Variants in INPP4B observed in about 807,000 individuals in gnomAD.
INPP4B encodes inositol polyphosphate 4-phosphatase type II.
INPP4B carries 55 observed loss-of-function variants against 122.5 expected under a neutral mutation model. The ratio of observed to expected loss-of-function variants is 0.45; its 90% confidence interval spans 0.36 to 0.56. INPP4B has a LOEUF of 0.56. INPP4B is among the 20% of genes least tolerant of loss of function. The pLI, the probability that INPP4B is intolerant of heterozygous loss-of-function variation, is 0.00. For missense variants in INPP4B, 1,000 were observed against 1,097.7 expected, an observed-to-expected ratio of 0.91 and a Z score of 1.26; for synonymous variants, 403 against 388.7, an observed-to-expected ratio of 1.04 and a Z score of -0.43.
At chr4:142,277,464 T>C (rs1204679527) in intron 9 of INPP4B, among the ~76,000 whole-genome samples, 9 of 151,874 alleles carry the variant, frequency 5.9e-5, no homozygotes, top group Non-Finnish European at 1.2e-4. Flanking sequence ...GTATAACCAC[T>C]ATGGAAAACA....
chr4:142,173,834 G>T, intron 15 of INPP4B, 25 bp from the exon 16 acceptor site: 1 of 1,588,924 alleles, frequency 6.3e-7, no homozygotes, highest in East Asian at 2.2e-5. Flanking sequence ...ATAAAAATAA[G>T]TTACACAAAC....
chr4:142,830,523 G>T (rs943741987), intron 1 of INPP4B, among the ~76,000 whole-genome samples: 6 of 152,072 alleles, frequency 3.9e-5, no homozygotes, highest in African/African-American at 1.4e-4. Flanking sequence ...TGGAGAGGGA[G>T]TCTTAATCTT....
chr4:142,673,852 A>G (rs578002265), intron 2 of INPP4B, among the ~76,000 whole-genome samples: 9 of 152,138 alleles, frequency 5.9e-5, no homozygotes, highest in African/African-American at 9.7e-5. Flanking sequence ...AGATGCGGTC[A>G]ATTACTATGT....
chr4:142,125,376 A>G (rs1241355788), intron 18 of INPP4B, among the ~76,000 whole-genome samples: 1 of 152,018 alleles, frequency 6.6e-6, no homozygotes, highest in Non-Finnish European at 1.5e-5. Flanking sequence ...AAAAACACTA[A>G]AGCATTCATA....
intron 7 of INPP4B, among the ~76,000 whole-genome samples, chr4:142,328,490 A>G (rs532024104): frequency 2.6e-5 from 4 of 152,326 alleles, no homozygotes; most frequent in African/African-American, 9.6e-5. Context: ...ACCAGTGTAC[A>G]GTGGAGTTTT....
chr4:142,408,877 C>A (rs1804002514), intron 5 of INPP4B, among the ~76,000 whole-genome samples: 1 of 152,000 alleles, frequency 6.6e-6, no homozygotes, highest in East Asian at 1.9e-4. Flanking sequence ...TTTAAATATG[C>A]AGGATGTTGA....
intron 10 of INPP4B, among the ~76,000 whole-genome samples, chr4:142,262,387 T>C (rs1561670028): frequency 6.6e-6 from 1 of 152,280 alleles, no homozygotes. Context: ...GCCTTTGCTC[T>C]TGCTATTGAT....
chr4:142,072,581 A>T (rs1441679708), intron 25 of INPP4B, among the ~76,000 whole-genome samples: 2 of 150,660 alleles, frequency 1.3e-5, no homozygotes, highest in African/African-American at 2.4e-5. Context: ...TAGTTTGAGG[A>T]CATAACAACC....
intron 7 of INPP4B, among the ~76,000 whole-genome samples, chr4:142,352,404 C>T (rs1229487704): frequency 6.6e-6 from 1 of 151,844 alleles, no homozygotes; most frequent in Non-Finnish European, 1.5e-5. Context: ...AACACACACA[C>T]ATAGATTAAA....
At chr4:142,155,922 T>C (rs779465409) in intron 17 of INPP4B, among the ~76,000 whole-genome samples, 25 of 149,960 alleles carry the variant, frequency 1.7e-4, no homozygotes, top group Non-Finnish European at 2.7e-4. Context: ...CTAAAGTCTA[T>C]AAAATTATTG....
At chr4:142,621,422 T>G (rs532868920) in intron 2 of INPP4B, among the ~76,000 whole-genome samples, 1 of 152,054 alleles carries the variant, frequency 6.6e-6, no homozygotes, top group African/African-American at 2.4e-5. Flanking sequence ...CCCCGTGCAC[T>G]TGAAATTGCT....
At chr4:142,547,765 A>G (rs549766686) in intron 2 of INPP4B, among the ~76,000 whole-genome samples, 10 of 152,220 alleles carry the variant, frequency 6.6e-5, no homozygotes, top group African/African-American at 2.2e-4. Flanking sequence ...ATGACTCCTC[A>G]CTTTTTATTG....
chr4:142,050,557 T>C (rs1753975026), intron 25 of INPP4B, among the ~76,000 whole-genome samples: 2 of 152,090 alleles, frequency 1.3e-5, no homozygotes, highest in South Asian at 2.1e-4. Flanking sequence ...AACTCCATTA[T>C]ATACAGGCTT....
intron 1 of INPP4B, among the ~76,000 whole-genome samples, chr4:142,765,559 C>T (rs565125202): frequency 6.6e-6 from 1 of 152,192 alleles, no homozygotes; most frequent in East Asian, 1.9e-4. Context: ...CCACTCTCCT[C>T]CAAACAATCA....
At position 142,715,808 on chromosome 4, in the gene INPP4B, T is replaced by C. The variant is rs565441514; in HGVS notation, c.-191+10031A>G. Among the ~76,000 whole-genome samples the C allele has an allele frequency of 3.9e-5, 6 of 152,312 alleles. No homozygotes were observed. The East Asian group carries it at 9.6e-4, about 24-fold the overall frequency. Reference sequence around the variant, plus strand: ...ATTTTAGGCTGGGACCATGGGGAGATAGCTTTTCTCTGTTTCACTCATTAT... The same window carrying C: ...ATTTTAGGCTGGGACCATGGGGAGACAGCTTTTCTCTGTTTCACTCATTAT... On this transcript the variant is annotated intron_variant, in intron 2 of 25. Coordinates refer to ENST00000262992, the MANE Select transcript of INPP4B (RefSeq NM_001101669.3).
intron 9 of INPP4B, among the ~76,000 whole-genome samples, chr4:142,281,227 A>C (rs1751051530): frequency 6.6e-6 from 1 of 151,682 alleles, no homozygotes; most frequent in Non-Finnish European, 1.5e-5. Context: ...ATGTTATAGG[A>C]GGTTATAGAT....
At chr4:142,321,539 T>G (rs1255235620) in intron 7 of INPP4B, among the ~76,000 whole-genome samples, 1 of 152,222 alleles carries the variant, frequency 6.6e-6, no homozygotes, top group African/African-American at 2.4e-5. Flanking sequence ...TAATGTTATC[T>G]TCTAGAATTT....
chr4:142,653,509 A>T (rs909422761), intron 2 of INPP4B, among the ~76,000 whole-genome samples: 2 of 152,122 alleles, frequency 1.3e-5, no homozygotes, highest in Non-Finnish European at 1.5e-5. Flanking sequence ...TCTACAAAGA[A>T]CTCCAACAAA....
intron 3 of INPP4B, among the ~76,000 whole-genome samples, 162 bp from the exon 4 acceptor site, chr4:142,431,547 T>C (rs781005403): frequency 7.9e-5 from 12 of 152,084 alleles, no homozygotes; most frequent in Non-Finnish European, 1.3e-4. Context: ...CATCATAAAG[T>C]CTAGGTTTAA....
Sources: gnomAD v4.1 joint callset for allele counts (sites outside exome capture counted in the v4.1 genomes callset) on GRCh38, gnomAD v4.1.1 for gene constraint, MANE v1.5 for transcripts, NCBI Gene and HGNC (gene_info 2026-07-23, HGNC 2026-07-21) for gene names.